Variants in UTRN observed in about 807,000 individuals in gnomAD.
UTRN encodes the protein utrophin, also known as dystrophin-related protein 1.
UTRN carries 283 observed loss-of-function variants against 463.9 expected under a neutral mutation model. The ratio of observed to expected loss-of-function variants is 0.61; its 90% CI spans 0.55 to 0.67. The LOEUF (loss-of-function observed/expected upper bound fraction) is 0.67. Among genes scored for constraint, UTRN ranks in the 30% least tolerant of loss-of-function variants. The pLI, the probability that UTRN is intolerant of heterozygous loss-of-function variation, is 0.00. For synonymous variants in UTRN, 1,442 were observed against 1,431.5 expected (o/e 1.01, Z -0.17); for missense variants, 3,922 against 4,084.3 (o/e 0.96, Z 1.08).
chr6:144,428,974 T>A, intron 8 of UTRN, 81 bp downstream of exon 8: 1 of 909,490 alleles, frequency 1.1e-6, no homozygotes, highest in Non-Finnish European at 1.6e-6. Context: ...TTTGTCCTTT[T>A]AAAAATGAAT....
chr6:144,374,752 G>T (rs1182655933), intron 2 of UTRN, among the ~76,000 whole-genome samples: 3 of 151,382 alleles, frequency 2.0e-5, no homozygotes, highest in Non-Finnish European at 4.4e-5. Context: ...AAAGTGCTGG[G>T]ATTACAGTTG....
intron 22 of UTRN, 114 bp from the exon 23 acceptor site, chr6:144,462,539 TA>T: frequency 1.0e-6 from 1 of 972,300 alleles, no homozygotes; most frequent in Non-Finnish European, 1.5e-6. Context: ...TCTTTTTAGA[TA>T]AAAATGCTTT....
At chr6:144,358,702 C>T (rs1778785022) in intron 2 of UTRN, among the ~76,000 whole-genome samples, 1 of 152,178 alleles carries the variant, frequency 6.6e-6, no homozygotes, top group Admixed American at 6.5e-5. Context: ...AACTCCTGGG[C>T]TCAAGTGATC....
intron 2 of UTRN, among the ~76,000 whole-genome samples, chr6:144,345,167 A>G (rs1476342184): frequency 1.4e-5 from 2 of 143,878 alleles, no homozygotes; most frequent in Non-Finnish European, 2.9e-5. Flanking sequence ...AGCTTCAGTG[A>G]ATGAGGTGGT....
chr6:144,327,229 C>A (rs1776031214), intron 2 of UTRN, among the ~76,000 whole-genome samples: 1 of 151,980 alleles, frequency 6.6e-6, no homozygotes, highest in South Asian at 2.1e-4. Flanking sequence ...AGGAGGGGTG[C>A]CAGGATCATT....
intron 34 of UTRN, among the ~76,000 whole-genome samples, chr6:144,504,353 C>G (rs1034525345): frequency 3.3e-5 from 5 of 152,162 alleles, no homozygotes; most frequent in Non-Finnish European, 7.3e-5. Context: ...TTTGCCCATT[C>G]AATATGATAT....
chr6:144,516,408 A>G (rs367735819), intron 38 of UTRN, 21 bp downstream of exon 38: 4 of 1,600,512 alleles, frequency 2.5e-6, no homozygotes, highest in Admixed American at 1.8e-5. Context: ...GGAGATTTCA[A>G]AACCATGGTG....
intron 65 of UTRN, among the ~76,000 whole-genome samples, chr6:144,813,370 G>C (rs1312928408): frequency 6.6e-6 from 1 of 151,728 alleles, no homozygotes; most frequent in African/African-American, 2.4e-5. Flanking sequence ...TGCATTTTTA[G>C]TAGAGACGGG....
At chr6:144,590,538 A>G (rs183531098) in intron 51 of UTRN, among the ~76,000 whole-genome samples, 16 of 152,324 alleles carry the variant, frequency 1.1e-4, no homozygotes, top group Non-Finnish European at 2.4e-4. Flanking sequence ...AGAAATATGT[A>G]TATATTTTTA....
At chr6:144,459,153 A>G in intron 20 of UTRN, 21 bp from the exon 21 acceptor site, 1 of 1,602,724 alleles carries the variant, frequency 6.2e-7, no homozygotes, top group African/African-American at 1.3e-5. Flanking sequence ...GAGTTGTGTG[A>G]CCGTATTTTC....
intron 64 of UTRN, among the ~76,000 whole-genome samples, chr6:144,802,721 T>G (rs1777806606): frequency 6.6e-6 from 1 of 152,196 alleles, no homozygotes; most frequent in Non-Finnish European, 1.5e-5. Flanking sequence ...AAACTGTATC[T>G]TTGTGAGGGA....
intron 2 of UTRN, among the ~76,000 whole-genome samples, chr6:144,337,613 G>GTTA (rs902442553): frequency 2.4e-4 from 37 of 152,004 alleles, no homozygotes; most frequent in African/African-American, 7.7e-4. Context: ...ATACTTTATT[G>GTTA]TTATTATTAT....
chr6:144,712,596 G>A (rs1785848819), intron 53 of UTRN, among the ~76,000 whole-genome samples: 1 of 152,164 alleles, frequency 6.6e-6, no homozygotes. Flanking sequence ...GATGTTTGCT[G>A]CATACTTTGC....
intron 51 of UTRN, among the ~76,000 whole-genome samples, chr6:144,677,962 T>A (rs1303721386): frequency 6.6e-6 from 1 of 152,218 alleles, no homozygotes; most frequent in Non-Finnish European, 1.5e-5. Context: ...GCTTTTTTTC[T>A]TGTAAATATA....
chr6:144,380,362 G>T (rs578134741), intron 2 of UTRN, among the ~76,000 whole-genome samples: 88 of 152,268 alleles, frequency 5.8e-4, no homozygotes, highest in African/African-American at 1.6e-3. Flanking sequence ...GTTAATACTG[G>T]TTATCTCTGG....
At chr6:144,485,349 G>C (rs777020502) in intron 27 of UTRN, 36 bp from the exon 28 acceptor site, 5 of 1,612,752 alleles carry the variant, frequency 3.1e-6, no homozygotes, top group Non-Finnish European at 4.2e-6. Flanking sequence ...TGTGTGAAAT[G>C]GCTTTTTGTC....
At chr6:144,758,856 C>T (rs1792314344) in intron 58 of UTRN, among the ~76,000 whole-genome samples, 1 of 152,034 alleles carries the variant, frequency 6.6e-6, no homozygotes, top group African/African-American at 2.4e-5. Context: ...CAGGAGACAG[C>T]TCTGTCTCAG....
rs573009369 is a variant in UTRN at position 144,593,665 on chromosome 6, A to G, written c.7479+16377A>G. Among the ~76,000 whole-genome samples the G allele has an allele frequency of 2.0e-5, 3 of 152,278 alleles. No individual in the cohort carries two copies. The South Asian group carries it at 6.2e-4, about 32-fold the overall frequency. On this transcript the variant is annotated intron_variant, in intron 51 of 74. Coordinates refer to ENST00000367545, the MANE Select transcript of UTRN (RefSeq NM_007124.3). ...CTTAGGCTGCCTGTCTCCAGACCCT[A>G]TTCTTCTGCCTCAGACATGGAGCAC... is the stretch of plus-strand genomic sequence containing the variant.
chr6:144,714,079 C>T (rs1403384141), intron 53 of UTRN, among the ~76,000 whole-genome samples: 1 of 152,116 alleles, frequency 6.6e-6, no homozygotes, highest in African/African-American at 2.4e-5. Flanking sequence ...TGTATATTAA[C>T]TGCTCATTGA....
Sources: allele counts gnomAD v4.1 joint callset (sites outside exome capture counted in the v4.1 genomes callset), GRCh38; gene constraint gnomAD v4.1.1; transcripts MANE v1.5; gene names NCBI Gene and HGNC (gene_info 2026-07-23, HGNC 2026-07-21).